Variants in SLC44A5 observed in about 807,000 individuals in gnomAD.
The protein encoded by SLC44A5 is choline transporter-like protein 5.
In SLC44A5, 57 loss-of-function variants were observed where a neutral mutation model predicts 101.8. The ratio of observed to expected loss-of-function variants is 0.56; its 90% CI spans 0.45 to 0.70. SLC44A5 has a LOEUF of 0.70. Ranked by LOEUF, SLC44A5 falls within the 30% of genes least tolerant of loss-of-function variation. SLC44A5 has a pLI of 0.00. For missense variants in SLC44A5, 737 were observed against 853.1 expected, an observed-to-expected ratio of 0.86 and a Z score of 1.70; for synonymous variants, 281 against 290.9, an observed-to-expected ratio of 0.97 and a Z score of 0.35.
intron 2 of SLC44A5, among the ~76,000 whole-genome samples, chr1:75,530,745 C>T (rs1271563173): frequency 6.6e-6 from 1 of 152,074 alleles, no homozygotes; most frequent in Non-Finnish European, 1.5e-5. Flanking sequence ...CTAGTAGCTC[C>T]TTATTTCCTC....
intron 4 of SLC44A5, among the ~76,000 whole-genome samples, chr1:75,307,334 A>G (rs1040714966): frequency 3.3e-5 from 5 of 152,164 alleles, no homozygotes; most frequent in Admixed American, 3.3e-4. Flanking sequence ...TGGCACCTGA[A>G]TGATGCCATT....
chr1:75,454,948 C>T (rs2101673296), intron 2 of SLC44A5, among the ~76,000 whole-genome samples: 1 of 152,196 alleles, frequency 6.6e-6, no homozygotes, highest in South Asian at 2.1e-4. Context: ...AATGAACATA[C>T]TGCCCAAAGC....
chr1:75,566,955 T>G (rs1672813898), intron 1 of SLC44A5, among the ~76,000 whole-genome samples: 1 of 152,224 alleles, frequency 6.6e-6, no homozygotes, highest in South Asian at 2.1e-4. Context: ...AAATCTGGAT[T>G]TCATTGTCTG....
At chr1:75,396,700 C>A (rs1662147595) in intron 2 of SLC44A5, 79 bp from the exon 3 acceptor site, 2 of 1,119,716 alleles carry the variant, frequency 1.8e-6, no homozygotes, top group Admixed American at 3.5e-5. Flanking sequence ...CTCTCCTTAT[C>A]CTAAAAAATC....
chr1:75,545,103 C>A (rs537976667), intron 1 of SLC44A5, among the ~76,000 whole-genome samples: 6 of 152,086 alleles, frequency 3.9e-5, no homozygotes, highest in African/African-American at 1.4e-4. Context: ...TGGGAACATG[C>A]AGTGTTTGGT....
Position 75,557,965 on chromosome 1 carries a change from G to A in SLC44A5, c.-69-16449C>T, listed in dbSNP as rs192229801. On this transcript the variant is annotated intron_variant, in intron 1 of 23. Coordinates refer to ENST00000370859, the MANE Select transcript of SLC44A5 (RefSeq NM_001130058.2). ...ATATTAGCACATTCCAAAAACATAC[G>A]GAGAAATCCACAGCCATTTATTGAG... Among the ~76,000 whole-genome samples, 21 of 152,012 alleles carry A rather than the reference G, an allele frequency of 1.4e-4. No homozygotes were observed. In the East Asian group the frequency reaches 3.3e-3, roughly 24 times the overall value.
intron 2 of SLC44A5, among the ~76,000 whole-genome samples, chr1:75,496,821 G>A (rs1448697286): frequency 2.6e-5 from 4 of 151,914 alleles, no homozygotes; most frequent in African/African-American, 9.7e-5. Context: ...TATGGGCAAA[G>A]GACTTAAATA....
the SLC44A5 span, among the ~76,000 whole-genome samples, chr1:75,616,137 TGCG>T: frequency 6.6e-6 from 1 of 151,700 alleles, no homozygotes; most frequent in Non-Finnish European, 1.5e-5. Flanking sequence ...CGGTGGCTGC[TGCG>T]GCGGCGGCGG....
chr1:75,485,810 T>A (rs1668119782), intron 2 of SLC44A5, among the ~76,000 whole-genome samples: 1 of 152,100 alleles, frequency 6.6e-6, no homozygotes, highest in Admixed American at 6.5e-5. Flanking sequence ...AAACTTACAA[T>A]CATGGCGGAA....
At chr1:75,663,523 C>T in the SLC44A5 span, among the ~76,000 whole-genome samples, 1 of 152,154 alleles carries the variant, frequency 6.6e-6, no homozygotes, top group East Asian at 1.9e-4. Context: ...GCCTCAGAAA[C>T]TATTATGAAC....
At chr1:75,685,536 C>T in the SLC44A5 span, among the ~76,000 whole-genome samples, 3 of 152,142 alleles carry the variant, frequency 2.0e-5, no homozygotes, top group Non-Finnish European at 1.5e-5. Context: ...CAAGAAGTTC[C>T]TTATCTTCAT....
the SLC44A5 span, among the ~76,000 whole-genome samples, chr1:75,707,043 G>A: frequency 2.0e-5 from 3 of 152,088 alleles, no homozygotes; most frequent in Non-Finnish European, 2.9e-5. Context: ...TACAAATTTT[G>A]GTGAGAATCT....
chr1:75,322,575 A>G (rs1656247782), intron 4 of SLC44A5, among the ~76,000 whole-genome samples: 2 of 152,148 alleles, frequency 1.3e-5, no homozygotes, highest in Non-Finnish European at 2.9e-5. Context: ...CTCAGCAACC[A>G]GAGGACATTA....
chr1:75,537,034 A>AAAAAAAAATATATATG (rs1553199990), intron 2 of SLC44A5, among the ~76,000 whole-genome samples: 4 of 18,648 alleles, frequency 2.1e-4, no homozygotes, highest in African/African-American at 4.1e-4. Flanking sequence ...AAAAAAAAAA[A>AAAAAAAAATATATATG]TATATATCTA....
intron 2 of SLC44A5, among the ~76,000 whole-genome samples, chr1:75,526,550 A>C (rs994255851): frequency 1.3e-5 from 2 of 152,184 alleles, no homozygotes; most frequent in African/African-American, 2.4e-5. Context: ...ATGAACAAGA[A>C]ATACATGTCT....
chr1:75,678,488 T>C, the SLC44A5 span, among the ~76,000 whole-genome samples: 37,218 of 150,538 alleles, frequency 0.25, 4,940 homozygotes, highest in Non-Finnish European at 0.3. Context: ...GGAGGCACCC[T>C]CCAGCAGGGG....
chr1:75,281,218 C>G (rs891668081), intron 5 of SLC44A5, among the ~76,000 whole-genome samples: 15 of 152,092 alleles, frequency 9.9e-5, no homozygotes, highest in Non-Finnish European at 1.6e-4. Context: ...GAGATGATCT[C>G]AGATGGAGAT....
At chr1:75,266,227 G>T (rs551456148) in intron 6 of SLC44A5, among the ~76,000 whole-genome samples, 8 of 151,862 alleles carry the variant, frequency 5.3e-5, no homozygotes, top group Non-Finnish European at 7.4e-5. Flanking sequence ...CATGACAATT[G>T]TTAAAGTCTA....
the SLC44A5 span, among the ~76,000 whole-genome samples, chr1:75,638,992 A>C: frequency 6.6e-6 from 1 of 152,074 alleles, no homozygotes; most frequent in African/African-American, 2.4e-5. Context: ...TGTGGAATCT[A>C]AACAAGTTGA....
Sources: allele counts gnomAD v4.1 joint callset (sites outside exome capture counted in the v4.1 genomes callset), GRCh38; gene constraint gnomAD v4.1.1; transcripts MANE v1.5; gene names NCBI Gene and HGNC (gene_info 2026-07-23, HGNC 2026-07-21).